The following KANSL1L variants were observed in gnomAD, a reference collection of about 807,000 sequenced individuals.
KANSL1L encodes KAT8 regulatory NSL complex subunit 1 like, also known as KAT8 regulatory NSL complex subunit 1-like protein.
A neutral mutation model predicts 108.6 loss-of-function variants in KANSL1L; 25 were observed. The ratio of observed to expected loss-of-function variants is 0.23; its 90% CI spans 0.17 to 0.32. The LOEUF (loss-of-function observed/expected upper bound fraction) is 0.32, where lower values mean the gene tolerates loss of function less well. Ranked by LOEUF, KANSL1L falls within the 10% of genes least tolerant of loss-of-function variation. The pLI is 1.00. For synonymous variants in KANSL1L, 405 were observed against 395.1 expected, an observed-to-expected ratio of 1.03 and a Z score of -0.30; for missense variants, 1,137 against 1,125.7, an observed-to-expected ratio of 1.01 and a Z score of -0.14.
At chr2:210,089,267 G>T (rs12468576) in intron 5 of KANSL1L, among the ~76,000 whole-genome samples, 29,379 of 151,992 alleles carry the variant, frequency 0.19, 3,135 homozygotes, top group South Asian at 0.25. Context: ...AGTTTCTAGG[G>T]TAGGGTTTGA....
chr2:210,150,598 C>T (rs570289165), intron 2 of KANSL1L, among the ~76,000 whole-genome samples: 1 of 152,014 alleles, frequency 6.6e-6, no homozygotes, highest in East Asian at 1.9e-4. Flanking sequence ...GCTTGACCAA[C>T]ATGGAGAAAC....
At chr2:210,099,285 A>T (rs2094770024) in intron 4 of KANSL1L, among the ~76,000 whole-genome samples, 1 of 152,190 alleles carries the variant, frequency 6.6e-6, no homozygotes, top group East Asian at 1.9e-4. Flanking sequence ...GACGTAGTTC[A>T]ACATTTTCAA....
intron 1 of KANSL1L, among the ~76,000 whole-genome samples, chr2:210,156,330 G>A (rs2095332928): frequency 6.6e-6 from 1 of 151,918 alleles, no homozygotes; most frequent in African/African-American, 2.4e-5. Flanking sequence ...AATTGGTTCA[G>A]TAATTTGACC....
chr2:210,162,221 GGTATATAT>G (rs1051676937), intron 1 of KANSL1L, among the ~76,000 whole-genome samples: 1 of 9,944 alleles, frequency 1.0e-4, no homozygotes, highest in African/African-American at 2.7e-4. Context: ...TAGTGGTTCA[GGTATATAT>G]ATATATATAT....
upstream of KANSL1L, chr2:210,171,532 G>C (rs187742317): frequency 6.5e-6 from 1 of 153,044 alleles, no homozygotes; most frequent in Non-Finnish European, 1.5e-5. Flanking sequence ...GGCTCGGAGT[G>C]TTCTGGAAGT....
At chr2:210,149,252 T>G (rs1032662874) in intron 2 of KANSL1L, among the ~76,000 whole-genome samples, 6 of 152,134 alleles carry the variant, frequency 3.9e-5, no homozygotes, top group Non-Finnish European at 8.8e-5. Flanking sequence ...AAATAGTCAT[T>G]CACTCACTCA....
At chr2:210,071,145 A>G (rs1458617347) in intron 6 of KANSL1L, among the ~76,000 whole-genome samples, 3 of 152,052 alleles carry the variant, frequency 2.0e-5, no homozygotes, top group Non-Finnish European at 4.4e-5. Flanking sequence ...GCAACAGAGT[A>G]ACACCAATCT....
chr2:210,075,625 C>T lies in KANSL1L; in HGVS notation c.1682G>A (p.Arg561Gln), dbSNP rs755585018. The change falls in exon 6 of 15, where the codon CGA becomes CAA. Residue 561 changes from arginine to glutamine, a missense_variant. Coordinates refer to ENST00000281772, the MANE Select transcript of KANSL1L (RefSeq NM_152519.4). Reference sequence around the variant, plus strand: ...GTGGAAACTCTGAAGTGGCCTTGTTCGGGCTGATGTACTCATGAAAGTCAA... The same window carrying T: ...GTGGAAACTCTGAAGTGGCCTTGTTTGGGCTGATGTACTCATGAAAGTCAA... ...SSLTFMSTSARTRPLQSFHKR... is the reference protein window; with the variant it reads ...SSLTFMSTSAQTRPLQSFHKR... The T allele has an allele frequency of 6.2e-7, 1 of 1,613,968 alleles. No homozygotes were observed. Among genetic ancestry groups the T allele is most frequent in the South Asian group, 1.1e-5 (1 of 91,074 alleles).
Position 210,135,959 on chromosome 2 carries a change from GCA to G in KANSL1L, c.1089-6789_1089-6788del, listed in dbSNP as rs140366069. ...ACACACACAATATAGACACATATAT[GCA>G]CACATTCATGAAGTAAACAACAAAC... On this transcript the variant is annotated intron_variant, in intron 2 of 14. Transcript: ENST00000281772. Among the ~76,000 whole-genome samples, 1,425 of 152,064 alleles carry G rather than the reference GCA, an allele frequency of 9.4e-3. 21 individuals carry two copies. The highest frequency in any genetic ancestry group is 0.029 in the African/African-American group (1,224 of 41,500).
At chr2:210,076,165 TTC>T (rs1183984637) in intron 5 of KANSL1L, among the ~76,000 whole-genome samples, 2 of 152,108 alleles carry the variant, frequency 1.3e-5, no homozygotes, top group Non-Finnish European at 2.9e-5. Flanking sequence ...CATTATTAGT[TTC>T]TGTTTTTTTT....
intron 2 of KANSL1L, among the ~76,000 whole-genome samples, chr2:210,151,130 C>T (rs1387715751): frequency 6.6e-6 from 1 of 152,076 alleles, no homozygotes; most frequent in Non-Finnish European, 1.5e-5. Context: ...ATTCTCCTGC[C>T]TTAGCCTCCC....
chr2:210,022,859 C>G lies in KANSL1L; in HGVS notation c.*90G>C, dbSNP rs867173633. 2 of 848,996 alleles carry G rather than the reference C, an allele frequency of 2.4e-6. No homozygotes were observed. The highest frequency in any genetic ancestry group is 5.8e-4 in the Middle Eastern group (2 of 3,468). The allele number at this position is 848,996 out of a possible 1,614,324, so 52.6% of individuals were successfully genotyped here. ...AAGATTAATACATGCAGAACATGCT[C>G]TTATTCTGGAGGGGATGGGGGATCC... On this transcript the variant is annotated 3_prime_UTR_variant, in exon 15 of 15. Coordinates refer to ENST00000281772, the MANE Select transcript of KANSL1L (RefSeq NM_152519.4).
At chr2:210,150,499 T>C (rs1431021753) in intron 2 of KANSL1L, among the ~76,000 whole-genome samples, 4 of 152,156 alleles carry the variant, frequency 2.6e-5, no homozygotes, top group African/African-American at 4.8e-5. Context: ...TATCAGAAAG[T>C]TGGCTGGGTG....
At position 210,082,169 on chromosome 2, in the gene KANSL1L, C is replaced by T. The variant is rs576675110; in HGVS notation, c.1551-6413G>A. 1.4e-4 allele frequency among the ~76,000 whole-genome samples: 22 copies of T among 152,254 alleles called. No individual in the cohort carries two copies. The South Asian group carries it at 3.5e-3, about 24-fold the overall frequency. ...ATGGTTTGGAACTCCTGGGCTCAAG[C>T]GATCCTTCCGTCTCAGCCTCCCAAA... On this transcript the variant is annotated intron_variant, in intron 5 of 14. Coordinates refer to ENST00000281772, the MANE Select transcript of KANSL1L (RefSeq NM_152519.4).
At chr2:210,094,799 A>C (rs562402043) in intron 5 of KANSL1L, among the ~76,000 whole-genome samples, 27 of 152,112 alleles carry the variant, frequency 1.8e-4, no homozygotes, top group African/African-American at 5.5e-4. Flanking sequence ...AGTACTTTTC[A>C]TTATAAACAT....
intron 1 of KANSL1L, among the ~76,000 whole-genome samples, chr2:210,159,022 T>A (rs1284288797): frequency 6.6e-6 from 1 of 152,238 alleles, no homozygotes; most frequent in Non-Finnish European, 1.5e-5. Flanking sequence ...AACTACTGTA[T>A]CCTCAACATG....
chr2:210,170,489 T>C (rs978083488), intron 1 of KANSL1L: 14 of 572,674 alleles, frequency 2.4e-5, no homozygotes, highest in Non-Finnish European at 3.1e-5. Context: ...GCCTGGTATT[T>C]CTTGCTACCA....
chr2:210,090,869 T>C (rs1278423162), intron 5 of KANSL1L, among the ~76,000 whole-genome samples: 1 of 152,220 alleles, frequency 6.6e-6, no homozygotes, highest in Non-Finnish European at 1.5e-5. Context: ...CCTATATCTA[T>C]AAACATTCTG....
chr2:210,073,976 C>T (rs2539009), intron 6 of KANSL1L, among the ~76,000 whole-genome samples: 143,565 of 152,252 alleles, frequency 0.94, 68,254 homozygotes, highest in East Asian at 1. Context: ...AAACATAACA[C>T]ACTTTTTTCT....
Sources: allele counts gnomAD v4.1 joint callset (sites outside exome capture counted in the v4.1 genomes callset), GRCh38; gene constraint gnomAD v4.1.1; transcripts MANE v1.5; gene names NCBI Gene and HGNC (gene_info 2026-07-23, HGNC 2026-07-21).